Variants in ZNF407 observed in about 807,000 individuals in gnomAD.
ZNF407 encodes zinc finger protein 407.
ZNF407 carries 17 observed loss-of-function variants against 131.2 expected under a neutral mutation model. The observed-to-expected ratio is 0.13, with a 90% CI of 0.09 to 0.19. The LOEUF (loss-of-function observed/expected upper bound fraction) is 0.19. Among genes scored for constraint, ZNF407 ranks in the 10% least tolerant of loss-of-function variants. The pLI, the probability that ZNF407 is intolerant of heterozygous loss-of-function variation, is 1.00. For missense variants in ZNF407, 2,681 were observed against 2,830.6 expected (o/e 0.95, Z 1.20); for synonymous variants, 1,156 against 1,062.0 (o/e 1.09, Z -1.72).
At chr18:74,907,357 G>T (rs540631163) in intron 7 of ZNF407, among the ~76,000 whole-genome samples, 1 of 152,156 alleles carries the variant, frequency 6.6e-6, no homozygotes, top group Non-Finnish European at 1.5e-5. Context: ...ATCAGACTCT[G>T]GGGAAGTGTC....
intron 3 of ZNF407, among the ~76,000 whole-genome samples, chr18:74,744,492 T>G (rs180671983): frequency 8.5e-5 from 13 of 152,306 alleles, no homozygotes; most frequent in Admixed American, 2.6e-4. Flanking sequence ...TATCAATAGT[T>G]TTATATTTTA....
intron 3 of ZNF407, among the ~76,000 whole-genome samples, chr18:74,676,687 G>A (rs551511325): frequency 2.0e-5 from 3 of 151,690 alleles, no homozygotes; most frequent in Non-Finnish European, 2.9e-5. Context: ...GCCCGCCTTG[G>A]CCTCCCAGAA....
chr18:75,035,745 T>A (rs972052790), intron 8 of ZNF407, among the ~76,000 whole-genome samples: 2 of 152,230 alleles, frequency 1.3e-5, no homozygotes, highest in Non-Finnish European at 1.5e-5. Flanking sequence ...TGATTACCAA[T>A]GGGCATTGCG....
chr18:74,738,324 G>T (rs533517391), intron 3 of ZNF407, among the ~76,000 whole-genome samples: 2 of 150,196 alleles, frequency 1.3e-5, no homozygotes, highest in East Asian at 4.0e-4. Context: ...GGAGGGTGAG[G>T]CAGGAGAATT....
intron 3 of ZNF407, among the ~76,000 whole-genome samples, chr18:74,690,116 T>C (rs1459913943): frequency 6.6e-6 from 1 of 152,180 alleles, no homozygotes; most frequent in Non-Finnish European, 1.5e-5. Flanking sequence ...TTAACAGAGA[T>C]ACAGATTCAT....
At chr18:74,637,052 C>T (rs1459447147) in intron 2 of ZNF407, among the ~76,000 whole-genome samples, 2 of 152,150 alleles carry the variant, frequency 1.3e-5, no homozygotes, top group African/African-American at 4.8e-5. Context: ...ACTGTCTGGT[C>T]AAGACATGTT....
At chr18:75,058,231 A>C (rs1300463723) in intron 8 of ZNF407, among the ~76,000 whole-genome samples, 6 of 152,200 alleles carry the variant, frequency 3.9e-5, no homozygotes, top group Admixed American at 6.5e-5. Context: ...TCATAATGGC[A>C]TCCCAGAGCA....
intron 4 of ZNF407, among the ~76,000 whole-genome samples, chr18:74,809,667 A>G (rs1970165799): frequency 6.6e-6 from 1 of 152,234 alleles, no homozygotes. Context: ...TATCGATAAT[A>G]CAAAAGATTA....
At chr18:74,893,891 A>G (rs113417316) in intron 7 of ZNF407, among the ~76,000 whole-genome samples, 222 of 152,202 alleles carry the variant, frequency 1.5e-3, no homozygotes, top group African/African-American at 5.2e-3. Flanking sequence ...GAGTATTCCT[A>G]TATTTGCCAT....
At chr18:74,917,285 C>T (rs538637101) in intron 7 of ZNF407, among the ~76,000 whole-genome samples, 2 of 152,194 alleles carry the variant, frequency 1.3e-5, no homozygotes, top group African/African-American at 4.8e-5. Flanking sequence ...GTTTATGCTT[C>T]TGGTATGTAT....
rs71170316 is a variant in ZNF407, at chr18:74,763,196, C to CTTTTTTTTTTTTTTTTTTTTTTTTTTTTT, written c.4803-18205_4803-18204insTTTTTTTTTTTTTTTTTTTTTTTTTTTTT. Among the ~76,000 whole-genome samples the CTTTTTTTTTTTTTTTTTTTTTTTTTTTTT allele has an allele frequency of 3.4e-4, 6 of 17,784 alleles. 2 individuals carry two copies. The highest frequency in any genetic ancestry group is 1.1e-3 in the Admixed American group (1 of 908). 11.7% of individuals were successfully genotyped at this position (17,784 alleles called of 152,430 possible). ...ATGATTTTGAGCATCTTCTTAGGAC[C>CTTTTTTTTTTTTTTTTTTTTTTTTTTTTT]TTTTTTTTTTTTTTTTTTTTTTTTT... On this transcript the variant is annotated intron_variant, in intron 3 of 8. Transcript: ENST00000299687.
At chr18:74,996,218 C>T (rs1972778684) in intron 8 of ZNF407, among the ~76,000 whole-genome samples, 1 of 152,080 alleles carries the variant, frequency 6.6e-6, no homozygotes, top group Non-Finnish European at 1.5e-5. Context: ...AGGCAGGCGC[C>T]AACAAGCATT....
intron 8 of ZNF407, among the ~76,000 whole-genome samples, chr18:74,958,555 A>T (rs1268428478): frequency 6.6e-6 from 1 of 151,928 alleles, no homozygotes; most frequent in African/African-American, 2.4e-5. Context: ...GGAGCTGGTC[A>T]TATACACACC....
rs527331960 is a variant in ZNF407, at chr18:75,015,296, A to T, written c.5429-47854A>T. Among the ~76,000 whole-genome samples, 16 of 152,008 alleles carry T rather than the reference A, an allele frequency of 1.1e-4. No individual in the cohort carries two copies. In the East Asian group the frequency reaches 2.7e-3, roughly 26 times the overall value. ...TACCATGTGTAAAATTACTCTCAGCAGTCAGGGTATCGATGCTTATTATAC... is the reference window on the plus strand; with the variant it reads ...TACCATGTGTAAAATTACTCTCAGCTGTCAGGGTATCGATGCTTATTATAC... On this transcript the variant is annotated intron_variant, in intron 8 of 8. Coordinates refer to ENST00000299687, the MANE Select transcript of ZNF407 (RefSeq NM_017757.3).
At chr18:74,609,779 C>T (rs1271231633) in intron 1 of ZNF407, among the ~76,000 whole-genome samples, 1 of 152,162 alleles carries the variant, frequency 6.6e-6, no homozygotes. Context: ...GATAGGGAAC[C>T]ATCATCATGT....
intron 3 of ZNF407, among the ~76,000 whole-genome samples, chr18:74,677,061 A>G (rs1349822013): frequency 6.6e-6 from 1 of 152,010 alleles, no homozygotes; most frequent in African/African-American, 2.4e-5. Flanking sequence ...ATATTCATTT[A>G]CATTTACCCA....
chr18:74,797,958 G>C (rs1043126050), intron 4 of ZNF407, among the ~76,000 whole-genome samples: 2 of 152,088 alleles, frequency 1.3e-5, no homozygotes, highest in Non-Finnish European at 2.9e-5. Flanking sequence ...AGACCAGCAG[G>C]AGGGATCAAG....
intron 8 of ZNF407, among the ~76,000 whole-genome samples, chr18:74,941,879 C>G (rs1223322494): frequency 6.6e-6 from 1 of 152,144 alleles, no homozygotes; most frequent in Non-Finnish European, 1.5e-5. Context: ...TTCCAGGGCT[C>G]GAGTTATTTC....
chr18:74,950,639 A>G (rs139239461), intron 8 of ZNF407, among the ~76,000 whole-genome samples: 402 of 152,354 alleles, frequency 2.6e-3, no homozygotes, highest in African/African-American at 9.4e-3. Context: ...CTTCAACAAA[A>G]TCATTACGAT....
Sources: gnomAD v4.1 joint callset for allele counts (sites outside exome capture counted in the v4.1 genomes callset) on GRCh38, gnomAD v4.1.1 for gene constraint, MANE v1.5 for transcripts, NCBI Gene and HGNC (gene_info 2026-07-23, HGNC 2026-07-21) for gene names.